Variants in ZNF407 observed in about 807,000 individuals in gnomAD.
ZNF407 encodes zinc finger protein 407.
In ZNF407, 17 loss-of-function variants were observed where a neutral mutation model predicts 131.2. That is an observed-to-expected ratio of 0.13 (90% CI 0.09 to 0.19). The LOEUF (loss-of-function observed/expected upper bound fraction) is 0.19. Among genes scored for constraint, ZNF407 ranks in the 10% least tolerant of loss-of-function variants. The probability of loss-of-function intolerance (pLI) is 1.00; values close to 1 mark genes in which losing one functional copy is unlikely to be tolerated. For missense variants in ZNF407, 2,681 were observed against 2,830.6 expected, an observed-to-expected ratio of 0.95 and a Z score of 1.20; for synonymous variants, 1,156 against 1,062.0, an observed-to-expected ratio of 1.09 and a Z score of -1.72.
intron 7 of ZNF407, among the ~76,000 whole-genome samples, chr18:74,917,935 C>G (rs1299078146): frequency 6.6e-6 from 1 of 152,134 alleles, no homozygotes; most frequent in Non-Finnish European, 1.5e-5. Context: ...TCCCCAGTGT[C>G]AGTAAACAAT....
chr18:74,882,106 T>C (rs1280840300), intron 6 of ZNF407, among the ~76,000 whole-genome samples: 1 of 152,140 alleles, frequency 6.6e-6, no homozygotes, highest in African/African-American at 2.4e-5. Context: ...GAATTTAAGA[T>C]GAGATTTGGG....
intron 3 of ZNF407, among the ~76,000 whole-genome samples, chr18:74,738,716 G>C (rs1968479552): frequency 6.6e-6 from 1 of 152,002 alleles, no homozygotes; most frequent in Non-Finnish European, 1.5e-5. Flanking sequence ...TCCAGCCCGG[G>C]TGACAGTGTG....
chr18:74,630,423 G>A (rs1984004045), intron 1 of ZNF407, among the ~76,000 whole-genome samples: 1 of 151,970 alleles, frequency 6.6e-6, no homozygotes, highest in African/African-American at 2.4e-5. Flanking sequence ...CGCCTGCCTC[G>A]GCCTCCCAAA....
chr18:74,893,627 C>G (rs958986094), intron 7 of ZNF407, among the ~76,000 whole-genome samples: 1 of 152,000 alleles, frequency 6.6e-6, no homozygotes, highest in Non-Finnish European at 1.5e-5. Context: ...TTGTTGCGTA[C>G]GATAGTAGGA....
intron 3 of ZNF407, among the ~76,000 whole-genome samples, chr18:74,676,641 A>C (rs913118506): frequency 1.3e-5 from 2 of 151,756 alleles, no homozygotes; most frequent in Admixed American, 6.6e-5. Context: ...TCACCGTGTT[A>C]GCCAGGATGG....
In ZNF407 at chr18:74,834,727, A is replaced by G. The variant is rs576217959; in HGVS notation, c.4878-42470A>G. Among the ~76,000 whole-genome samples, 14 of 152,334 alleles carry G rather than the reference A, an allele frequency of 9.2e-5. No individual in the cohort carries two copies. In the South Asian group the frequency reaches 2.9e-3, roughly 32 times the overall value. ...GCTGAGCACTAGTGCAGGGATGGGCAGTTCGCAGACACAGGGAAAACAGTG... is the reference window on the plus strand; with the variant it reads ...GCTGAGCACTAGTGCAGGGATGGGCGGTTCGCAGACACAGGGAAAACAGTG... On this transcript the variant is annotated intron_variant, in intron 4 of 8. Transcript: ENST00000299687.
chr18:74,951,234 T>C (rs1263219328), intron 8 of ZNF407, among the ~76,000 whole-genome samples: 1 of 152,190 alleles, frequency 6.6e-6, no homozygotes, highest in African/African-American at 2.4e-5. Flanking sequence ...CAGAACATGT[T>C]CACTGCACCA....
intron 3 of ZNF407, among the ~76,000 whole-genome samples, chr18:74,737,774 A>G (rs1265470234): frequency 6.6e-6 from 1 of 152,208 alleles, no homozygotes. Context: ...TCTTGTAGTA[A>G]TATTGCTTTT....
At chr18:75,026,827 GC>G (rs1230988138) in intron 8 of ZNF407, among the ~76,000 whole-genome samples, 5 of 152,158 alleles carry the variant, frequency 3.3e-5, no homozygotes, top group African/African-American at 1.2e-4. Context: ...AGAACCTCGT[GC>G]CCTCAGCCCT....
Position 74,632,665 on chromosome 18 carries a change from G to T in ZNF407, c.1646G>T (p.Arg549Met). 6.2e-7 allele frequency: 1 copy of T among 1,614,032 alleles called. No individual in the cohort carries two copies. The highest frequency in any genetic ancestry group is 8.5e-7 in the Non-Finnish European group (1 of 1,179,902). The change falls in exon 2 of 9, where the codon AGG becomes ATG. Residue 549 changes from arginine to methionine, a missense_variant. By Grantham distance (91) the Arg-to-Met change is moderately conservative. Transcript: ENST00000299687. Reference sequence around the variant, plus strand: ...ACAGATTTGGAAATCCATGTGAAAAGGTGCCATGCCAGAGAGATGAAATTT... The same window carrying T: ...ACAGATTTGGAAATCCATGTGAAAATGTGCCATGCCAGAGAGATGAAATTT... ...NRTDLEIHVKRCHAREMKFYC... is the reference protein window; with the variant it reads ...NRTDLEIHVKMCHAREMKFYC...
At chr18:74,752,818 AGCTTT>A (rs1412925071) in intron 3 of ZNF407, among the ~76,000 whole-genome samples, 1 of 152,174 alleles carries the variant, frequency 6.6e-6, no homozygotes, top group Non-Finnish European at 1.5e-5. Flanking sequence ...TGATGCCTCC[AGCTTT>A]GTTCTTTTGG....
chr18:74,680,421 A>G (rs760653062), intron 3 of ZNF407, among the ~76,000 whole-genome samples: 17 of 150,790 alleles, frequency 1.1e-4, no homozygotes, highest in Non-Finnish European at 2.2e-4. Context: ...AAAAAATAGA[A>G]CCCCCAAACA....
chr18:74,943,599 G>C (rs949668757), intron 8 of ZNF407, among the ~76,000 whole-genome samples: 1 of 152,180 alleles, frequency 6.6e-6, no homozygotes, highest in African/African-American at 2.4e-5. Context: ...ATTATTAGTT[G>C]ATCAATACGT....
intron 8 of ZNF407, among the ~76,000 whole-genome samples, chr18:75,053,974 T>A (rs769937541): frequency 5.9e-5 from 9 of 152,238 alleles, no homozygotes; most frequent in Non-Finnish European, 1.3e-4. Context: ...CCCTTTCTCC[T>A]GCTTTCATTT....
intron 4 of ZNF407, among the ~76,000 whole-genome samples, chr18:74,822,320 T>C (rs1003487886): frequency 2.0e-5 from 3 of 152,226 alleles, no homozygotes; most frequent in Non-Finnish European, 4.4e-5. Flanking sequence ...TTTTGGTGTT[T>C]TAGACATAAG....
chr18:75,001,584 G>A (rs1046255033), intron 8 of ZNF407, among the ~76,000 whole-genome samples: 1 of 152,272 alleles, frequency 6.6e-6, no homozygotes. Flanking sequence ...AGAGCAAAAG[G>A]AAACAGAATG....
At chr18:74,883,441 C>T (rs1373683256) in intron 6 of ZNF407, among the ~76,000 whole-genome samples, 1 of 152,198 alleles carries the variant, frequency 6.6e-6, no homozygotes, top group Non-Finnish European at 1.5e-5. Flanking sequence ...AGTACCCACG[C>T]AAATTATAAT....
chr18:75,063,783 T>G lies in ZNF407; in HGVS notation c.6062T>G (p.Ile2021Ser), dbSNP rs752178926. The change falls in exon 9 of 9, where the codon ATC (isoleucine) becomes AGC (serine). Residue 2021 changes from isoleucine to serine, a missense_variant. Transcript: ENST00000299687. This position sits in a 1 kb window ranked among gnomAD's most constrained non-coding sequence, Gnocchi z 6.6. ...AGGCCCGGCGCCAAAGACGTGCTGA[T>G]CCAGCTGCCCGGGCAGGAGGTCTCC... is the stretch of plus-strand genomic sequence containing the variant. ...QGRPGAKDVL[I>S]QLPGQEVSHV... is the part of the protein sequence containing the mutation. 3.1e-6 allele frequency: 5 copies of G among 1,609,784 alleles called. No individual in the cohort carries two copies. The South Asian group carries it at 3.3e-5, about 11-fold the overall frequency.
chr18:74,731,806 C>T (rs1968300599), intron 3 of ZNF407, among the ~76,000 whole-genome samples: 1 of 152,048 alleles, frequency 6.6e-6, no homozygotes, highest in South Asian at 2.1e-4. Flanking sequence ...AAACAGTGTC[C>T]ATTCCTTGTC....
Sources: allele counts gnomAD v4.1 joint callset (sites outside exome capture counted in the v4.1 genomes callset), GRCh38; gene constraint gnomAD v4.1.1; non-coding constraint Gnocchi (gnomAD v3.1); transcripts MANE v1.5; gene names NCBI Gene and HGNC (gene_info 2026-07-23, HGNC 2026-07-21).